Variants in DNAJB4 observed in about 807,000 individuals in gnomAD.
DNAJB4 encodes DnaJ heat shock protein family (Hsp40) member B4.
In DNAJB4, 10 loss-of-function variants were observed where a neutral mutation model predicts 26.6. The observed-to-expected ratio is 0.38, with a 90% confidence interval of 0.23 to 0.64. DNAJB4 has a LOEUF of 0.64. Ranked by LOEUF, DNAJB4 falls within the 30% of genes least tolerant of loss-of-function variation. The pLI, the probability that DNAJB4 is intolerant of heterozygous loss-of-function variation, is 0.58. For synonymous variants in DNAJB4, 136 were observed against 134.8 expected (o/e 1.01, Z -0.06); for missense variants, 328 against 408.2 (o/e 0.80, Z 1.69).
chr1:77,997,797 C>A (rs1285257107), intron 1 of DNAJB4, among the ~76,000 whole-genome samples: 4 of 151,468 alleles, frequency 2.6e-5, no homozygotes, highest in Non-Finnish European at 1.5e-5. Context: ...TTTTTTTCTT[C>A]TTTTCTTTTT....
intron 1 of DNAJB4, among the ~76,000 whole-genome samples, chr1:78,006,004 A>G (rs1485944952): frequency 6.6e-6 from 1 of 152,242 alleles, no homozygotes; most frequent in Non-Finnish European, 1.5e-5. Flanking sequence ...ATGAAATCTC[A>G]GAAATACAAT....
At position 78,016,184 on chromosome 1, in the gene DNAJB4, C is replaced by T. The variant is rs772546998; in HGVS notation, c.951C>T (p.Ser317=). The stretch of plus-strand genomic sequence containing the variant: ...ACCTTCTAATAGAATTTGAGGTGTC[C>T]TTCCCAGATACTATATCTTCTTCAT... ...RGDLLIEFEV[S]FPDTISSSSK... Residue 317 remains serine (S), a synonymous_variant, in exon 3 of 3, where the codon TCC becomes TCT. Transcript: ENST00000370763. 6.2e-7 allele frequency: 1 copy of T among 1,614,076 alleles called. No individual in the cohort carries two copies. Among genetic ancestry groups the T allele is most frequent in the Non-Finnish European group, 8.5e-7 (1 of 1,180,016 alleles).
At chr1:77,988,169 G>T (rs1659845559) in intron 1 of DNAJB4, among the ~76,000 whole-genome samples, 1 of 151,644 alleles carries the variant, frequency 6.6e-6, no homozygotes, top group African/African-American at 2.4e-5. Flanking sequence ...TTACAGGCAT[G>T]TGCCACCATA....
chr1:78,004,410 A>G (rs773618241), upstream of DNAJB4: 3 of 152,256 alleles, frequency 2.0e-5, no homozygotes, highest in Non-Finnish European at 1.5e-5. Context: ...ATGTGAAACT[A>G]GTACACAAAC....
At chr1:77,985,809 C>G (rs1008392325) in intron 1 of DNAJB4, among the ~76,000 whole-genome samples, 2 of 151,992 alleles carry the variant, frequency 1.3e-5, no homozygotes, top group Non-Finnish European at 2.9e-5. Flanking sequence ...TTCAATTCAA[C>G]AAAAATTCTG....
chr1:77,993,518 G>A (rs975860175), intron 1 of DNAJB4, among the ~76,000 whole-genome samples: 4 of 152,012 alleles, frequency 2.6e-5, no homozygotes, highest in Admixed American at 2.0e-4. Context: ...GTTTCACCAC[G>A]TTGGCCAGGC....
At chr1:78,008,570 C>G (rs1269447461) in intron 1 of DNAJB4, among the ~76,000 whole-genome samples, 2 of 152,046 alleles carry the variant, frequency 1.3e-5, no homozygotes, top group Admixed American at 1.3e-4. Context: ...ATCTTTCTTG[C>G]CTAGGACTTG....
At chr1:78,009,902 G>T (rs964630728) in intron 1 of DNAJB4, among the ~76,000 whole-genome samples, 10 of 152,146 alleles carry the variant, frequency 6.6e-5, no homozygotes, top group African/African-American at 2.2e-4. Flanking sequence ...GGGATTATAG[G>T]TGTGAGCCAC....
At chr1:78,014,853 G>A (rs141301837) in intron 2 of DNAJB4, among the ~76,000 whole-genome samples, 112 of 152,048 alleles carry the variant, frequency 7.4e-4, no homozygotes, top group African/African-American at 2.5e-3. Flanking sequence ...CGCCCACCTC[G>A]GCCTCCCAAA....
At chr1:78,001,107 G>T (rs1212690931), upstream of DNAJB4, among the ~76,000 whole-genome samples, 1 of 152,140 alleles carries the variant, frequency 6.6e-6, no homozygotes, top group African/African-American at 2.4e-5. Flanking sequence ...GATCTTGGGA[G>T]GTCAAGGAAG....
intron 1 of DNAJB4, among the ~76,000 whole-genome samples, chr1:77,989,180 ACTTC>A (rs745721720): frequency 6.6e-5 from 10 of 152,160 alleles, no homozygotes; most frequent in Non-Finnish European, 1.3e-4. Context: ...GTCGTCGTCT[ACTTC>A]CTTTTGCTCT....
In DNAJB4 at chr1:78,016,110, A is replaced by G; in HGVS notation, c.877A>G (p.Ile293Val). The change falls in exon 3 of 3, where the codon ATT becomes GTT. Residue 293 changes from isoleucine to valine, a missense_variant. Transcript: ENST00000370763. ...DIVKPGMRRR[I>V]IGYGLPFPKN... ...TGTGAAACCCGGAATGAGGAGAAGA[A>G]TTATTGGATATGGGCTGCCATTTCC... 1 of 1,614,128 alleles carries G rather than the reference A, an allele frequency of 6.2e-7. No homozygotes were observed. The highest frequency in any genetic ancestry group is 1.7e-5 in the Admixed American group (1 of 60,014).
chr1:78,011,642 G>A (rs973692283), intron 1 of DNAJB4, among the ~76,000 whole-genome samples: 2 of 151,718 alleles, frequency 1.3e-5, no homozygotes, highest in Non-Finnish European at 2.9e-5. Context: ...GTGCCACCAT[G>A]CCCAGCTAAT....
At chr1:77,986,478 C>G (rs1659793952) in intron 1 of DNAJB4, among the ~76,000 whole-genome samples, 1 of 152,170 alleles carries the variant, frequency 6.6e-6, no homozygotes. Context: ...TCTTTTCTTT[C>G]CATCTCTTAC....
chr1:77,979,232 T>C, upstream of DNAJB4: 1 of 530,316 alleles, frequency 1.9e-6, no homozygotes, highest in Non-Finnish European at 3.4e-6. Flanking sequence ...TCGCGAGGAT[T>C]AAGTTTAAGA....
chr1:78,013,561 C>A lies in DNAJB4; in HGVS notation c.722C>A (p.Pro241Gln). The part of the protein sequence containing the change: ...IVFIIKDKDH[P>Q]KFKRDGSNII... ...TTTATCATTAAAGACAAAGATCATC[C>A]AAAATTTAAAAGGGATGGATCAAAT... The change falls in exon 2 of 3, where the codon CCA becomes CAA. Residue 241 changes from proline to glutamine, a missense_variant. Pro to Gln is a moderately conservative substitution (Grantham distance 76). Coordinates refer to ENST00000370763, the MANE Select transcript of DNAJB4 (RefSeq NM_007034.5). 1 of 1,610,132 alleles carries A rather than the reference C, an allele frequency of 6.2e-7. No homozygotes were observed. Among genetic ancestry groups the A allele is most frequent in the Non-Finnish European group, 8.5e-7 (1 of 1,179,364 alleles).
chr1:78,003,296 ATAT>A (rs1251590278), upstream of DNAJB4, among the ~76,000 whole-genome samples: 2 of 152,086 alleles, frequency 1.3e-5, no homozygotes, highest in Non-Finnish European at 2.9e-5. Context: ...GTACCTTTTG[ATAT>A]TATTTCTTGG....
chr1:77,999,381 A>G (rs1015829389), intron 1 of DNAJB4, among the ~76,000 whole-genome samples: 1 of 152,106 alleles, frequency 6.6e-6, no homozygotes, highest in Non-Finnish European at 1.5e-5. Context: ...AGTATTTTAT[A>G]AACTGTAAAG....
rs1465470928 is a variant in DNAJB4, at chr1:78,005,292, G to A, written c.182G>A (p.Arg61Lys). The change falls in exon 1 of 3, where the codon AGA (arginine) becomes AAA (lysine). Residue 61 changes from arginine to lysine, a missense_variant. Physicochemically the swap from Arg to Lys is conservative, Grantham distance 26 (BLOSUM62 2). Transcript: ENST00000370763. ...GAAGTATTGAGTGATCCTAAAAAGA[G>A]AGAAATATATGATCAGTTTGGGGAG... ...AYEVLSDPKK[R>K]EIYDQFGEEG... is the part of the protein sequence containing the mutation. The A allele has an allele frequency of 3.7e-6, 6 of 1,613,514 alleles. No homozygotes were observed. Among genetic ancestry groups the A allele is most frequent in the Non-Finnish European group, 5.1e-6 (6 of 1,179,850 alleles).
Sources: gnomAD v4.1 joint callset for allele counts (sites outside exome capture counted in the v4.1 genomes callset) on GRCh38, gnomAD v4.1.1 for gene constraint, MANE v1.5 for transcripts, NCBI Gene and HGNC (gene_info 2026-07-23, HGNC 2026-07-21) for gene names.